The following P2RX3 variants were observed in gnomAD, a reference collection of about 807,000 sequenced individuals.
The protein encoded by P2RX3 is P2X purinoceptor 3.
A neutral mutation model predicts 51.5 loss-of-function variants in P2RX3; 41 were observed. The observed-to-expected ratio is 0.80, with a 90% CI of 0.62 to 1.03. The LOEUF (loss-of-function observed/expected upper bound fraction) is 1.03, where lower values mean the gene tolerates loss of function less well. Among genes scored for constraint, P2RX3 ranks in the 50% least tolerant of loss-of-function variants. P2RX3 has a pLI of 0.00. For missense variants in P2RX3, 459 were observed against 522.1 expected, an observed-to-expected ratio of 0.88 and a Z score of 1.18; for synonymous variants, 185 against 191.6, an observed-to-expected ratio of 0.97 and a Z score of 0.29.
At chr11:57,341,347 C>T (rs890304563) in intron 1 of P2RX3, among the ~76,000 whole-genome samples, 4 of 152,174 alleles carry the variant, frequency 2.6e-5, no homozygotes, top group Non-Finnish European at 4.4e-5. Context: ...CCAACCAGGT[C>T]AACAACCTAG....
intron 1 of P2RX3, among the ~76,000 whole-genome samples, chr11:57,339,233 G>A (rs1177521093): frequency 2.0e-5 from 3 of 152,054 alleles, no homozygotes; most frequent in Admixed American, 6.5e-5. Context: ...GAGAGAGAAG[G>A]GCAAGGGAGA....
intron 8 of P2RX3, among the ~76,000 whole-genome samples, chr11:57,357,459 C>T (rs12290929): frequency 6.6e-6 from 1 of 152,164 alleles, no homozygotes; most frequent in Non-Finnish European, 1.5e-5. Context: ...GGCTCCAGAA[C>T]CTGTGCTTGC....
intron 1 of P2RX3, among the ~76,000 whole-genome samples, chr11:57,339,864 G>A (rs1010438109): frequency 1.3e-5 from 2 of 152,144 alleles, no homozygotes; most frequent in African/African-American, 4.8e-5. Flanking sequence ...GTGGCTAGAT[G>A]TGACTTTTTA....
At chr11:57,360,462 C>A (rs1856696990) in intron 8 of P2RX3, among the ~76,000 whole-genome samples, 1 of 152,012 alleles carries the variant, frequency 6.6e-6, no homozygotes, top group Non-Finnish European at 1.5e-5. Context: ...TTTACTCAAC[C>A]CCCTACTGTG....
In P2RX3 at chr11:57,371,915, C is replaced by T. The variant is rs1402299408; in HGVS notation, c.*1918C>T. On this transcript the variant is annotated 3_prime_UTR_variant, in exon 12 of 12. Transcript: ENST00000263314. ...CTCCCCCCCAACCCCTCCCTTTTAC[C>T]CAGATGGAGGTGGTCCTCCTGTAGG... Among the ~76,000 whole-genome samples the T allele has an allele frequency of 1.3e-5, 2 of 148,618 alleles. No homozygotes were observed. Among genetic ancestry groups the T allele is most frequent in the African/African-American group, 2.4e-5 (1 of 40,936 alleles).
intron 8 of P2RX3, among the ~76,000 whole-genome samples, chr11:57,354,684 G>A (rs1429922592): frequency 1.3e-5 from 2 of 151,890 alleles, no homozygotes; most frequent in Non-Finnish European, 2.9e-5. Context: ...CGTGAGAGTG[G>A]GTGTATTTGT....
intron 2 of P2RX3, 60 bp downstream of exon 2, chr11:57,346,739 G>A: frequency 6.3e-7 from 1 of 1,588,570 alleles, no homozygotes; most frequent in South Asian, 1.1e-5. Context: ...GGTTGGAAGG[G>A]AGAAAGCGAG....
intron 5 of P2RX3, 146 bp downstream of exon 5, chr11:57,348,409 C>A: frequency 1.2e-6 from 1 of 821,904 alleles, no homozygotes. Flanking sequence ...GGCCTCAGGC[C>A]CAGGGTATCA....
chr11:57,349,662 C>T (rs1203007808), intron 6 of P2RX3, 95 bp from the exon 7 acceptor site: 12 of 1,480,388 alleles, frequency 8.1e-6, no homozygotes, highest in East Asian at 2.3e-5. Flanking sequence ...GGGCTCAGAT[C>T]CCCCCTAGGC....
At chr11:57,353,922 G>A (rs1856588840) in intron 8 of P2RX3, among the ~76,000 whole-genome samples, 2 of 143,824 alleles carry the variant, frequency 1.4e-5, no homozygotes, top group South Asian at 4.4e-4. Context: ...AGTTCCCCTT[G>A]CAGTCACCCA....
intron 8 of P2RX3, among the ~76,000 whole-genome samples, chr11:57,351,907 C>T (rs950239657): frequency 6.6e-6 from 1 of 152,164 alleles, no homozygotes; most frequent in Non-Finnish European, 1.5e-5. Flanking sequence ...TGTTTTGATA[C>T]ATGTATACAT....
chr11:57,349,776 C>T lies in P2RX3; in HGVS notation c.583C>T (p.Leu195=), dbSNP rs778563903. Residue 195 remains leucine (L), a synonymous_variant, in exon 7 of 12, where the codon CTG becomes TTG. Transcript: ENST00000263314. ...CCCCAGGGGAAACCTCCTTCCCAAC[C>T]TGACAGCCAGGGACATGAAGACCTG... The part of the protein sequence containing the change: ...NFEKGNLLPN[L]TARDMKTCRF... 1 of 1,614,182 alleles carries T rather than the reference C, an allele frequency of 6.2e-7. No individual in the cohort carries two copies.
chr11:57,367,195 C>G lies in P2RX3; in HGVS notation c.843-814C>G, dbSNP rs1307345667. 3.3e-5 allele frequency among the ~76,000 whole-genome samples: 5 copies of G among 152,194 alleles called. No homozygotes were observed. In the East Asian group the frequency reaches 9.6e-4, roughly 29 times the overall value. ...CAATGCTCATGGCAGCCTTATGAAGCAGGACTTTTGTATAGTATTCCCACC... is the reference window on the plus strand; with the variant it reads ...CAATGCTCATGGCAGCCTTATGAAGGAGGACTTTTGTATAGTATTCCCACC... On this transcript the variant is annotated intron_variant, in intron 8 of 11. Transcript: ENST00000263314.
chr11:57,349,634 G>A (rs1856506249), intron 6 of P2RX3, 123 bp from the exon 7 acceptor site: 1 of 1,165,506 alleles, frequency 8.6e-7, no homozygotes, highest in Non-Finnish European at 1.2e-6. Flanking sequence ...GAGATGGCGA[G>A]GTCCAGATGA....
intron 2 of P2RX3, 133 bp downstream of exon 2, chr11:57,346,812 C>T (rs1856442798): frequency 1.2e-5 from 16 of 1,303,750 alleles, no homozygotes; most frequent in Middle Eastern, 2.7e-4. Flanking sequence ...GAGGACCTCT[C>T]CCCCAGCAGC....
chr11:57,361,320 A>C (rs964611378), intron 8 of P2RX3, among the ~76,000 whole-genome samples: 2 of 151,758 alleles, frequency 1.3e-5, no homozygotes, highest in Non-Finnish European at 1.5e-5. Context: ...TCTGGGATAC[A>C]TGTGCAGGAC....
chr11:57,354,767 A>G (rs1430013340), intron 8 of P2RX3, among the ~76,000 whole-genome samples: 1 of 152,048 alleles, frequency 6.6e-6, no homozygotes, highest in Non-Finnish European at 1.5e-5. Context: ...ATAGGCATTG[A>G]TGGTGCAATG....
intron 7 of P2RX3, chr11:57,350,316 T>C (rs1327983442): frequency 1.1e-5 from 2 of 184,542 alleles, no homozygotes; most frequent in East Asian, 2.7e-4. Flanking sequence ...TTTTTTTTTT[T>C]TGAGACAGAG....
Position 57,368,457 on chromosome 11 carries a change from G to C in P2RX3, c.1002+20G>C, listed in dbSNP as rs764458239. The C allele has an allele frequency of 6.2e-7, 1 of 1,613,342 alleles. No individual in the cohort carries two copies. Among genetic ancestry groups the C allele is most frequent in the East Asian group, 2.2e-5 (1 of 44,872 alleles). Reference sequence around the variant, plus strand: ...GGAGTGGTGAGTTCAGCCCCTCCACGCTCTGACGGGCCAGTCAGAGTGGGG... The same window carrying C: ...GGAGTGGTGAGTTCAGCCCCTCCACCCTCTGACGGGCCAGTCAGAGTGGGG... On this transcript the variant is annotated intron_variant, in intron 10 of 11. Coordinates refer to ENST00000263314, the MANE Select transcript of P2RX3 (RefSeq NM_002559.5).
Sources: gnomAD v4.1 joint callset for allele counts (sites outside exome capture counted in the v4.1 genomes callset) on GRCh38, gnomAD v4.1.1 for gene constraint, MANE v1.5 for transcripts, NCBI Gene and HGNC (gene_info 2026-07-23, HGNC 2026-07-21) for gene names.